Variants in PXDNL observed in about 807,000 individuals in gnomAD.
PXDNL encodes the protein probable oxidoreductase PXDNL.
Under a neutral mutation model 150.8 loss-of-function variants are expected in PXDNL, and 145 were observed. That is an observed-to-expected ratio of 0.96 (90% CI 0.84 to 1.10). The LOEUF (loss-of-function observed/expected upper bound fraction) is 1.10. Ranked by LOEUF, PXDNL falls within the 50% of genes least tolerant of loss-of-function variation. PXDNL has a pLI of 0.00. For missense variants in PXDNL, 2,087 were observed against 1,873.9 expected (o/e 1.11, Z -2.10); for synonymous variants, 757 against 725.7 (o/e 1.04, Z -0.69).
intron 1 of PXDNL, among the ~76,000 whole-genome samples, chr8:51,765,067 A>G (rs2037212734): frequency 6.6e-6 from 1 of 152,142 alleles, no homozygotes; most frequent in African/African-American, 2.4e-5. Context: ...ATTTGTCTTC[A>G]ATTGTATGTT....
At chr8:51,678,290 T>C (rs1460198293) in intron 1 of PXDNL, among the ~76,000 whole-genome samples, 1 of 152,212 alleles carries the variant, frequency 6.6e-6, no homozygotes, top group Non-Finnish European at 1.5e-5. Context: ...TAGAGATCAC[T>C]GAAACGCTTA....
chr8:51,650,182 T>C (rs1041386135), intron 2 of PXDNL, among the ~76,000 whole-genome samples: 1 of 151,994 alleles, frequency 6.6e-6, no homozygotes, highest in South Asian at 2.1e-4. Context: ...TGCTCCTTTA[T>C]TATATACAGC....
chr8:51,526,457 G>A lies in PXDNL; in HGVS notation c.381-26687C>T, dbSNP rs140969187. Among the ~76,000 whole-genome samples the A allele has an allele frequency of 1.4e-4, 22 of 152,192 alleles. No individual in the cohort carries two copies. In the East Asian group the frequency reaches 4.2e-3, roughly 29 times the overall value. ...AAAGGTTATGTGACAGATGGTAGCT[G>A]AGGTTATACAGCCATCTAGAAGCGA... On this transcript the variant is annotated intron_variant, in intron 4 of 22. Coordinates refer to ENST00000356297, the MANE Select transcript of PXDNL (RefSeq NM_144651.5).
At chr8:51,377,145 A>AC (rs1358819431) in intron 17 of PXDNL, among the ~76,000 whole-genome samples, 17 of 57,874 alleles carry the variant, frequency 2.9e-4, no homozygotes, top group African/African-American at 4.8e-4. Flanking sequence ...CACACACACA[A>AC]AGCCAAAGCC....
intron 10 of PXDNL, 91 bp downstream of exon 10, chr8:51,453,428 C>G: frequency 8.1e-7 from 1 of 1,239,764 alleles, no homozygotes; most frequent in Non-Finnish European, 1.1e-6. Flanking sequence ...AAATATTTCT[C>G]CACTGATGTA....
intron 1 of PXDNL, among the ~76,000 whole-genome samples, chr8:51,730,178 G>A (rs1816891419): frequency 6.8e-6 from 1 of 146,086 alleles, no homozygotes; most frequent in Admixed American, 7.1e-5. Context: ...TCTCATTCAG[G>A]GTATTGACAG....
At chr8:51,601,547 CT>C (rs1464237078) in intron 2 of PXDNL, among the ~76,000 whole-genome samples, 2 of 151,768 alleles carry the variant, frequency 1.3e-5, no homozygotes, top group East Asian at 1.9e-4. Flanking sequence ...GCAACTCCTG[CT>C]TTTTTTTCCA....
At chr8:51,775,533 A>G (rs1470592657) in intron 1 of PXDNL, among the ~76,000 whole-genome samples, 1 of 152,156 alleles carries the variant, frequency 6.6e-6, no homozygotes, top group African/African-American at 2.4e-5. Context: ...AATTGTGAAG[A>G]TTTCATGGGC....
chr8:51,642,205 G>C (rs1256111582), intron 2 of PXDNL, among the ~76,000 whole-genome samples: 1 of 149,112 alleles, frequency 6.7e-6, no homozygotes, highest in African/African-American at 2.4e-5. Context: ...GGGGACTGTT[G>C]TGGGGTGGAG....
chr8:51,557,629 A>T (rs142499821), intron 3 of PXDNL, among the ~76,000 whole-genome samples: 2 of 152,126 alleles, frequency 1.3e-5, no homozygotes, highest in Non-Finnish European at 2.9e-5. Context: ...CCTTCTATCA[A>T]GTGTCTTCGG....
At chr8:51,678,684 A>G (rs1815679772) in intron 1 of PXDNL, among the ~76,000 whole-genome samples, 1 of 147,208 alleles carries the variant, frequency 6.8e-6, no homozygotes, top group South Asian at 2.2e-4. Context: ...ACATGGACAC[A>G]GGAAGGGGAA....
At position 51,762,745 on chromosome 8, in the gene PXDNL, A is replaced by C. The variant is rs536178114; in HGVS notation, c.164+46436T>G. Among the ~76,000 whole-genome samples, 5 of 152,308 alleles carry C rather than the reference A, an allele frequency of 3.3e-5. No individual in the cohort carries two copies. In the East Asian group the frequency reaches 9.6e-4, roughly 29 times the overall value. On this transcript the variant is annotated intron_variant, in intron 1 of 22. Coordinates refer to ENST00000356297, the MANE Select transcript of PXDNL (RefSeq NM_144651.5). Reference sequence around the variant, plus strand: ...GAGGTACCCCGACCACCTTGGGCACATGTTCTCAGGACCTCCCGAGGGCTG... The same window carrying C: ...GAGGTACCCCGACCACCTTGGGCACCTGTTCTCAGGACCTCCCGAGGGCTG...
In PXDNL at chr8:51,409,391, C is replaced by T; in HGVS notation, c.2233G>A (p.Ala745Thr). The T allele has an allele frequency of 1.2e-6, 2 of 1,605,836 alleles. No homozygotes were observed. The highest frequency in any genetic ancestry group is 3.4e-5 in the Admixed American group (2 of 59,014). The stretch of plus-strand genomic sequence containing the variant: ...AGCAGGCGCGCGAAGGCGGTCAGCG[C>T]CGCGCCCCACGTGGGCTGCTGCAGG... The part of the protein sequence containing the change: ...NNLQQPTWGA[A>T]LTAFARLLQP... The change falls in exon 17 of 23, where the codon GCG (alanine) becomes ACG (threonine). Residue 745 changes from alanine to threonine, a missense_variant. Ala to Thr is a moderately conservative substitution (Grantham distance 58). Coordinates refer to ENST00000356297, the MANE Select transcript of PXDNL (RefSeq NM_144651.5).
chr8:51,614,230 T>A (rs1340088918), intron 2 of PXDNL, among the ~76,000 whole-genome samples: 1 of 152,258 alleles, frequency 6.6e-6, no homozygotes, highest in Non-Finnish European at 1.5e-5. Context: ...TTCAGTCATA[T>A]TAGTGTTGTT....
intron 17 of PXDNL, among the ~76,000 whole-genome samples, chr8:51,403,889 G>C (rs1380088832): frequency 6.6e-6 from 1 of 152,180 alleles, no homozygotes; most frequent in Non-Finnish European, 1.5e-5. Context: ...AGTGTTACAG[G>C]TCTTAAAGGT....
At chr8:51,443,587 T>A (rs749499227) in intron 12 of PXDNL, among the ~76,000 whole-genome samples, 29 of 152,352 alleles carry the variant, frequency 1.9e-4, no homozygotes, top group African/African-American at 7.0e-4. Context: ...ATTTATGTGT[T>A]CATTTTAAAA....
At chr8:51,605,646 A>G (rs1280810967) in intron 2 of PXDNL, among the ~76,000 whole-genome samples, 1 of 152,196 alleles carries the variant, frequency 6.6e-6, no homozygotes, top group Non-Finnish European at 1.5e-5. Context: ...AATAAAAGAA[A>G]AATTATAGTT....
intron 2 of PXDNL, among the ~76,000 whole-genome samples, chr8:51,622,260 C>G (rs1204403667): frequency 6.6e-6 from 1 of 152,092 alleles, no homozygotes; most frequent in Non-Finnish European, 1.5e-5. Context: ...CTGAGTGAGC[C>G]TGGAGTAGGT....
At chr8:51,643,360 A>G (rs1814820546) in intron 2 of PXDNL, among the ~76,000 whole-genome samples, 1 of 152,210 alleles carries the variant, frequency 6.6e-6, no homozygotes. Context: ...GACCAATGGA[A>G]CAGAACAGAG....
Sources: allele counts gnomAD v4.1 joint callset (sites outside exome capture counted in the v4.1 genomes callset), GRCh38; gene constraint gnomAD v4.1.1; transcripts MANE v1.5; gene names NCBI Gene and HGNC (gene_info 2026-07-23, HGNC 2026-07-21).